UGT2B7: variants seen among roughly 807,000 people sequenced by gnomAD.
UGT2B7 encodes UDP-glucuronosyltransferase 2B7.
UGT2B7 carries 51 observed loss-of-function variants against 51.9 expected under a neutral mutation model. That is an observed-to-expected ratio of 0.98 (90% confidence interval 0.78 to 1.24). UGT2B7 has a LOEUF of 1.24. Ranked by LOEUF, UGT2B7 falls within the 50% of genes most tolerant of loss-of-function variation. The pLI, the probability that UGT2B7 is intolerant of heterozygous loss-of-function variation, is 0.00. For missense variants in UGT2B7, 727 were observed against 628.4 expected (o/e 1.16, Z -1.68); for synonymous variants, 225 against 211.6 (o/e 1.06, Z -0.55).
At chr4:69,076,093 T>G (rs759207192) in intron 1 of UGT2B7, among the ~76,000 whole-genome samples, 2 of 152,214 alleles carry the variant, frequency 1.3e-5, no homozygotes, top group South Asian at 2.1e-4. Flanking sequence ...TCCATGTCCC[T>G]GCAAAGGACA....
intron 1 of UGT2B7, among the ~76,000 whole-genome samples, chr4:69,060,048 G>C (rs1377757244): frequency 6.6e-6 from 1 of 152,184 alleles, no homozygotes; most frequent in Non-Finnish European, 1.5e-5. Flanking sequence ...TACAATCTTT[G>C]AAGAGGCACA....
At chr4:69,060,087 CCAAA>C (rs1193310782) in intron 1 of UGT2B7, among the ~76,000 whole-genome samples, 11 of 152,220 alleles carry the variant, frequency 7.2e-5, no homozygotes, top group African/African-American at 2.4e-4. Flanking sequence ...ATACACCCCA[CCAAA>C]CAGTGACTGT....
chr4:69,076,543 G>A (rs1333258326), intron 1 of UGT2B7, among the ~76,000 whole-genome samples: 8 of 152,130 alleles, frequency 5.3e-5, no homozygotes, highest in African/African-American at 1.9e-4. Flanking sequence ...GTGATAATGA[G>A]CTTTTTTTCA....
In UGT2B7 at chr4:69,112,843, A is replaced by AG. The variant is rs1719824390; in HGVS notation, c.*107_*108insG. On this transcript the variant is annotated 3_prime_UTR_variant, in exon 6 of 6. Transcript: ENST00000305231. ...ATTTCTTTCTTCCTGAGACAAAAAA[A>AG]AAAAAAGAAAAAAAAATCTTTTCAA... The AG allele has an allele frequency of 5.0e-6, 7 of 1,393,796 alleles. No homozygotes were observed. The highest frequency in any genetic ancestry group is 6.6e-6 in the Non-Finnish European group (7 of 1,061,194). 86.3% of individuals were successfully genotyped at this position (1,393,796 alleles called of 1,614,324 possible). A position where few individuals can be genotyped will look rare whatever the true frequency, so the allele number is the denominator to read the frequency against.
At chr4:69,101,558 A>T (rs1225852360) in intron 2 of UGT2B7, among the ~76,000 whole-genome samples, 1 of 152,144 alleles carries the variant, frequency 6.6e-6, no homozygotes, top group Non-Finnish European at 1.5e-5. Flanking sequence ...GCTACAGGCA[A>T]CTGCAATCAC....
chr4:69,101,725 G>A (rs1719423893), intron 2 of UGT2B7, among the ~76,000 whole-genome samples: 1 of 152,126 alleles, frequency 6.6e-6, no homozygotes, highest in Admixed American at 6.6e-5. Context: ...AGAACAGTTA[G>A]GAAAAGTTTT....
At chr4:69,063,503 G>A (rs1718404544) in intron 1 of UGT2B7, among the ~76,000 whole-genome samples, 1 of 152,038 alleles carries the variant, frequency 6.6e-6, no homozygotes, top group African/African-American at 2.4e-5. Flanking sequence ...TGTTAGACTT[G>A]CTGGCCCAGC....
chr4:69,111,410 G>A (rs1719765955), intron 5 of UGT2B7, among the ~76,000 whole-genome samples: 1 of 152,120 alleles, frequency 6.6e-6, no homozygotes, highest in Non-Finnish European at 1.5e-5. Flanking sequence ...GAAGCAAAGT[G>A]ACTAGCTATG....
chr4:69,100,502 T>C lies in UGT2B7; in HGVS notation c.870+1814T>C, dbSNP rs144581403. Among the ~76,000 whole-genome samples the C allele has an allele frequency of 4.6e-5, 7 of 152,180 alleles. No homozygotes were observed. In the East Asian group the frequency reaches 1.2e-3, roughly 25 times the overall value. On this transcript the variant is annotated intron_variant, in intron 2 of 5. Coordinates refer to ENST00000305231, the MANE Select transcript of UGT2B7 (RefSeq NM_001074.4). ...TTCCATTGTTAAAACTCAATATCTA[T>C]GTTGAATGAAAATTGTATGGGCTTT... is the stretch of plus-strand genomic sequence containing the variant.
At chr4:69,069,397 G>A (rs7687336) in intron 1 of UGT2B7, among the ~76,000 whole-genome samples, 65,075 of 151,536 alleles carry the variant, frequency 0.43, 15,494 homozygotes, top group African/African-American at 0.64. Context: ...GGACTTATCT[G>A]ATTTCAATTT....
At chr4:69,063,917 G>A (rs191252291) in intron 1 of UGT2B7, among the ~76,000 whole-genome samples, 188 of 151,878 alleles carry the variant, frequency 1.2e-3, no homozygotes, top group Non-Finnish European at 2.2e-3. Flanking sequence ...GTATCAACCC[G>A]TACCAAACAG....
chr4:69,056,856 G>A (rs551434422), intron 1 of UGT2B7, among the ~76,000 whole-genome samples: 1 of 152,116 alleles, frequency 6.6e-6, no homozygotes, highest in Non-Finnish European at 1.5e-5. Context: ...CAAAAGGGGG[G>A]AATGAAGGAA....
At chr4:69,069,449 C>T (rs1345838768) in intron 1 of UGT2B7, among the ~76,000 whole-genome samples, 1 of 152,012 alleles carries the variant, frequency 6.6e-6, no homozygotes, top group African/African-American at 2.4e-5. Context: ...TATCTCTTCA[C>T]ATCTTGAAAT....
chr4:69,087,651 G>A (rs976232163), intron 1 of UGT2B7, among the ~76,000 whole-genome samples: 1 of 151,766 alleles, frequency 6.6e-6, no homozygotes, highest in Non-Finnish European at 1.5e-5. Flanking sequence ...CTTATCTTTT[G>A]TTTCGGAAAA....
chr4:69,096,245 G>A (rs1026630867), upstream of UGT2B7, among the ~76,000 whole-genome samples: 1 of 152,042 alleles, frequency 6.6e-6, no homozygotes, highest in African/African-American at 2.4e-5. Flanking sequence ...TATTGCATAA[G>A]ACAGATGGCA....
chr4:69,093,078 A>G (rs919150479), upstream of UGT2B7, among the ~76,000 whole-genome samples: 4 of 152,166 alleles, frequency 2.6e-5, no homozygotes, highest in African/African-American at 7.2e-5. Flanking sequence ...AACAGCAAAG[A>G]TGGCGGCCCA....
At chr4:69,080,561 A>AAAG (rs917745427) in intron 1 of UGT2B7, among the ~76,000 whole-genome samples, 2 of 151,572 alleles carry the variant, frequency 1.3e-5, no homozygotes, top group Non-Finnish European at 2.9e-5. Flanking sequence ...AAAAAAAAAA[A>AAAG]GAAAATCTAT....
intron 1 of UGT2B7, among the ~76,000 whole-genome samples, chr4:69,085,307 G>T (rs1044330458): frequency 6.6e-6 from 1 of 151,904 alleles, no homozygotes; most frequent in Non-Finnish European, 1.5e-5. Context: ...TTTTTGATGG[G>T]GTTGTTTGTT....
chr4:69,083,906 A>G (rs1718891006), intron 1 of UGT2B7, among the ~76,000 whole-genome samples: 1 of 151,996 alleles, frequency 6.6e-6, no homozygotes. Flanking sequence ...TAGAAATTCT[A>G]ATGATATATT....
Sources: gnomAD v4.1 joint callset for allele counts (sites outside exome capture counted in the v4.1 genomes callset) on GRCh38, gnomAD v4.1.1 for gene constraint, MANE v1.5 for transcripts, NCBI Gene and HGNC (gene_info 2026-07-23, HGNC 2026-07-21) for gene names.